INPP4A: variants seen among roughly 807,000 people sequenced by gnomAD.
INPP4A encodes the protein inositol polyphosphate-4-phosphatase type I A.
A neutral mutation model predicts 119.8 loss-of-function variants in INPP4A; 33 were observed. The ratio of observed to expected loss-of-function variants is 0.28; its 90% CI spans 0.21 to 0.37. The LOEUF (loss-of-function observed/expected upper bound fraction) is 0.37. Ranked by LOEUF, INPP4A falls within the 10% of genes least tolerant of loss-of-function variation. The probability of loss-of-function intolerance (pLI) is 1.00; values close to 1 mark genes in which losing one functional copy is unlikely to be tolerated. For synonymous variants in INPP4A, 496 were observed against 500.7 expected, an observed-to-expected ratio of 0.99 and a Z score of 0.12; for missense variants, 956 against 1,289.9, an observed-to-expected ratio of 0.74 and a Z score of 3.97.
chr2:98,473,807 G>A (rs1165692160), intron 1 of INPP4A, among the ~76,000 whole-genome samples: 2 of 152,202 alleles, frequency 1.3e-5, no homozygotes, highest in Non-Finnish European at 2.9e-5. Flanking sequence ...ATGTTGGAAA[G>A]GTAATACATG....
intron 4 of INPP4A, among the ~76,000 whole-genome samples, chr2:98,531,619 C>CGT (rs1251706248): frequency 6.6e-6 from 1 of 152,136 alleles, no homozygotes; most frequent in Non-Finnish European, 1.5e-5. Context: ...GAAAACACAA[C>CGT]ACTTAAAGTA....
intron 1 of INPP4A, among the ~76,000 whole-genome samples, chr2:98,516,765 G>A (rs1366778282): frequency 6.6e-6 from 1 of 152,150 alleles, no homozygotes; most frequent in Non-Finnish European, 1.5e-5. Context: ...AGTGACACAA[G>A]AGTATGGCTG....
chr2:98,500,725 G>C (rs1032054215), intron 1 of INPP4A, among the ~76,000 whole-genome samples: 1 of 152,180 alleles, frequency 6.6e-6, no homozygotes, highest in Non-Finnish European at 1.5e-5. Context: ...AGGACAATCA[G>C]ACATCACCTA....
chr2:98,494,003 A>G (rs1002166419), intron 1 of INPP4A, among the ~76,000 whole-genome samples: 1 of 152,252 alleles, frequency 6.6e-6, no homozygotes. Context: ...CATACAGCAC[A>G]TGAAGAAACA....
At chr2:98,450,163 A>G (rs945580753) in intron 1 of INPP4A, among the ~76,000 whole-genome samples, 14 of 152,090 alleles carry the variant, frequency 9.2e-5, no homozygotes, top group African/African-American at 3.4e-4. Context: ...CCTGCATGCC[A>G]GGCCTCCCTG....
Position 98,588,569 on chromosome 2 carries a change from A to C in INPP4A, c.*961A>C, listed in dbSNP as rs1700154677. 1 of 222,260 alleles carries C rather than the reference A, an allele frequency of 4.5e-6. No homozygotes were observed. Among genetic ancestry groups the C allele is most frequent in the East Asian group, 6.7e-5 (1 of 15,014 alleles). 13.8% of individuals were successfully genotyped at this position (222,260 alleles called of 1,614,324 possible). ...TACAATCATGTTTGAATGTCTGATG[A>C]AAGTGTCTTATTTTTAGGTTTGCAA... On this transcript the variant is annotated 3_prime_UTR_variant, in exon 25 of 25. Transcript: ENST00000409851.
chr2:98,471,278 C>T (rs1204302215), intron 1 of INPP4A, among the ~76,000 whole-genome samples: 1 of 152,172 alleles, frequency 6.6e-6, no homozygotes, highest in Admixed American at 6.5e-5. Context: ...AGTTACTTCA[C>T]AGTCATTCCA....
chr2:98,531,487 G>A (rs1328422270), intron 4 of INPP4A, among the ~76,000 whole-genome samples: 2 of 152,180 alleles, frequency 1.3e-5, no homozygotes, highest in Middle Eastern at 3.2e-3. Flanking sequence ...AATATTTATA[G>A]TTGAGCATTT....
At position 98,539,617 on chromosome 2, in the gene INPP4A, C is replaced by G. The variant is rs764097205; in HGVS notation, c.760C>G (p.Leu254Val). 6.2e-7 allele frequency: 1 copy of G among 1,611,878 alleles called. No individual in the cohort carries two copies. Among genetic ancestry groups the G allele is most frequent in the East Asian group, 2.2e-5 (1 of 44,610 alleles). The change falls in exon 10 of 25, where the codon CTC (leucine) becomes GTC (valine). Residue 254 changes from leucine to valine, a missense_variant. Physicochemically the swap from Leu to Val is conservative, Grantham distance 32. Around this residue, in one of 2 missense-constraint regions of INPP4A, gnomAD observed 652 missense variants for 797.9 expected, o/e 0.82. Transcript: ENST00000409851. ...CCTGGAGCAGATGGCAGAGAGCGTG[C>G]TCTCCCTGCACGTGCCCCGGCAGTT... ...RILEQMAESV[L>V]SLHVPRQFVK...
At chr2:98,564,856 G>A (rs1257112732) in intron 19 of INPP4A, 93 bp downstream of exon 19, 22 of 1,386,250 alleles carry the variant, frequency 1.6e-5, no homozygotes, top group Middle Eastern at 1.8e-4. Context: ...CCAGTAATGC[G>A]TGCTTATTGA....
chr2:98,472,137 C>T (rs993347743), intron 1 of INPP4A, among the ~76,000 whole-genome samples: 1 of 152,196 alleles, frequency 6.6e-6, no homozygotes, highest in African/African-American at 2.4e-5. Flanking sequence ...CCTGTTTCTG[C>T]CTGCCGTGGA....
At chr2:98,493,426 A>ATTTT (rs371958433) in intron 1 of INPP4A, among the ~76,000 whole-genome samples, 3 of 123,112 alleles carry the variant, frequency 2.4e-5, no homozygotes, top group South Asian at 2.6e-4. Context: ...TTCTATTTCT[A>ATTTT]TTTTTTTTTT....
chr2:98,564,827 A>G, intron 19 of INPP4A, 64 bp downstream of exon 19: 1 of 1,497,646 alleles, frequency 6.7e-7, no homozygotes, highest in East Asian at 2.5e-5. Context: ...CTTTCTTGCT[A>G]GGCACTTTTC....
intron 1 of INPP4A, among the ~76,000 whole-genome samples, chr2:98,458,329 G>A (rs945757480): frequency 3.3e-5 from 5 of 151,892 alleles, no homozygotes; most frequent in African/African-American, 1.2e-4. Flanking sequence ...TGGTGACAGG[G>A]GCTTGCCTCT....
chr2:98,489,681 T>C (rs1680300880), intron 1 of INPP4A, among the ~76,000 whole-genome samples: 1 of 152,198 alleles, frequency 6.6e-6, no homozygotes, highest in Non-Finnish European at 1.5e-5. Flanking sequence ...TGCTTCCTCT[T>C]TGGCATAGCA....
At chr2:98,509,537 T>C (rs951874171) in intron 1 of INPP4A, among the ~76,000 whole-genome samples, 2 of 152,136 alleles carry the variant, frequency 1.3e-5, no homozygotes, top group Admixed American at 1.3e-4. Flanking sequence ...GGGACTGCTG[T>C]GTTAAAGAGA....
chr2:98,483,807 G>A (rs1339244867), intron 1 of INPP4A, among the ~76,000 whole-genome samples: 3 of 152,088 alleles, frequency 2.0e-5, no homozygotes, highest in Non-Finnish European at 2.9e-5. Context: ...TGTGTGGCTA[G>A]CCAAGGTTGC....
rs555089980 is a variant in INPP4A at position 98,513,748 on chromosome 2, C to T, written c.-165-5216C>T. Among the ~76,000 whole-genome samples, 38 of 152,342 alleles carry T rather than the reference C, an allele frequency of 2.5e-4. No individual in the cohort carries two copies. In the South Asian group the frequency reaches 7.9e-3, roughly 32 times the overall value. ...CCATTCTGGAGTTACTGCTCCTGTT[C>T]TCTCTGTTGGCCTTGCCTTGTCCCT... On this transcript the variant is annotated intron_variant, in intron 1 of 24. Transcript: ENST00000409851.
At position 98,539,689 on chromosome 2, in the gene INPP4A, GA is replaced by G; in HGVS notation, c.818+16del. On this transcript the variant is annotated intron_variant, in intron 10 of 24. Transcript: ENST00000409851. ...AGATGCAGCCAGGTGAGGCCACATG[GA>G]AGGACTGACTGTCCATCATACCCAT... 1 of 1,600,540 alleles carries G rather than the reference GA, an allele frequency of 6.2e-7. No homozygotes were observed. The highest frequency in any genetic ancestry group is 1.4e-5 in the African/African-American group (1 of 73,968).
Sources: gnomAD v4.1 joint callset for allele counts (sites outside exome capture counted in the v4.1 genomes callset) on GRCh38, gnomAD v4.1.1 for gene constraint, gnomAD v4.1.1 regional missense constraint, MANE v1.5 for transcripts, NCBI Gene and HGNC (gene_info 2026-07-23, HGNC 2026-07-21) for gene names.